The following AP1G1 variants were observed in gnomAD, a reference collection of about 807,000 sequenced individuals.
AP1G1 encodes adaptor related protein complex 1 subunit gamma 1.
A neutral mutation model predicts 108.3 loss-of-function variants in AP1G1; 7 were observed. The observed-to-expected ratio is 0.06, with a 90% CI of 0.04 to 0.12. AP1G1 has a LOEUF of 0.12. Among genes scored for constraint, AP1G1 ranks in the 10% least tolerant of loss-of-function variants. The pLI is 1.00. For synonymous variants in AP1G1, 379 were observed against 353.5 expected (o/e 1.07, Z -0.81); for missense variants, 756 against 1,010.7 (o/e 0.75, Z 3.42).
At chr16:71,776,727 T>C (rs969511105) in intron 2 of AP1G1, among the ~76,000 whole-genome samples, 1 of 152,196 alleles carries the variant, frequency 6.6e-6, no homozygotes, top group Non-Finnish European at 1.5e-5. Context: ...GACATACTCT[T>C]AGGCATTAAT....
At chr16:71,771,278 A>G (rs1459888961) in intron 4 of AP1G1, 26 bp from the exon 5 acceptor site, 3 of 1,405,030 alleles carry the variant, frequency 2.1e-6, no homozygotes, top group Non-Finnish European at 2.9e-6. Flanking sequence ...TAAAAGAACA[A>G]AAGGTTTATT....
At chr16:71,761,299 G>A (rs1172179627) in intron 10 of AP1G1, among the ~76,000 whole-genome samples, 2 of 152,128 alleles carry the variant, frequency 1.3e-5, no homozygotes, top group Admixed American at 1.3e-4. Context: ...AAATTTTGCT[G>A]ACTCCTGATT....
At chr16:71,761,335 A>T (rs910603917) in intron 10 of AP1G1, among the ~76,000 whole-genome samples, 177 bp downstream of exon 10, 4 of 152,232 alleles carry the variant, frequency 2.6e-5, no homozygotes, top group African/African-American at 9.6e-5. Context: ...AATATATGCC[A>T]TGAGATAAAT....
At chr16:71,805,021 T>C (rs868063766) in intron 1 of AP1G1, among the ~76,000 whole-genome samples, 2 of 149,910 alleles carry the variant, frequency 1.3e-5, no homozygotes, top group South Asian at 2.1e-4. Context: ...AATCAATCAA[T>C]CAATAAAAAT....
At chr16:71,781,832 C>T (rs1047592790) in intron 2 of AP1G1, among the ~76,000 whole-genome samples, 1 of 152,284 alleles carries the variant, frequency 6.6e-6, no homozygotes, top group Admixed American at 6.5e-5. Flanking sequence ...GAAAATTTAT[C>T]TAGGTTATAT....
chr16:71,737,164 G>A (rs1021632854), intron 21 of AP1G1, among the ~76,000 whole-genome samples: 1 of 152,188 alleles, frequency 6.6e-6, no homozygotes, highest in African/African-American at 2.4e-5. Flanking sequence ...TGCAAATGAA[G>A]ACACTGAGGC....
chr16:71,784,133 T>C (rs1413804009), intron 2 of AP1G1, among the ~76,000 whole-genome samples: 2 of 152,210 alleles, frequency 1.3e-5, no homozygotes, highest in Non-Finnish European at 2.9e-5. Context: ...TCAAAAAACA[T>C]TGCCGTCCTT....
At chr16:71,768,522 G>T (rs1050879447) in intron 6 of AP1G1, among the ~76,000 whole-genome samples, 1 of 81,552 alleles carries the variant, frequency 1.2e-5, no homozygotes, top group African/African-American at 4.5e-5. Flanking sequence ...AAGAGAGAAG[G>T]GAGTACTTAA....
rs148726783 is a variant in AP1G1 at position 71,771,015 on chromosome 16, C to G, written c.565+141G>C. 6.1e-3 allele frequency: 2,961 copies of G among 486,414 alleles called. 14 individuals carry two copies. Among genetic ancestry groups the G allele is most frequent in the Admixed American group, 8.9e-3 (229 of 25,848 alleles). The allele number at this position is 486,414 out of a possible 1,614,324, so 30.1% of individuals were successfully genotyped here. On this transcript the variant is annotated intron_variant, in intron 5 of 22. Transcript: ENST00000299980. ...ATGTGAGTGGAAAGACTTGTCAGAC[C>G]AGACCTTCCTGGAAAAGTGTCTAAG... is the stretch of plus-strand genomic sequence containing the variant.
chr16:71,794,069 A>G (rs2032497031), intron 1 of AP1G1, among the ~76,000 whole-genome samples: 1 of 152,220 alleles, frequency 6.6e-6, no homozygotes, highest in African/African-American at 2.4e-5. Flanking sequence ...TGGTTAAAAT[A>G]AGATTAACAT....
rs2045454297 is a variant in AP1G1, at chr16:71,729,069, T to TAC, written c.*3987_*3988dup. 6.6e-6 allele frequency: 1 copy of TAC among 152,612 alleles called. No homozygotes were observed. Among genetic ancestry groups the TAC allele is most frequent in the Admixed American group, 6.5e-5 (1 of 15,286 alleles). 9.5% of individuals were successfully genotyped at this position (152,612 alleles called of 1,614,324 possible). A position where few individuals can be genotyped will look rare whatever the true frequency, so the allele number is the denominator to read the frequency against. On this transcript the variant is annotated 3_prime_UTR_variant, in exon 23 of 23. Coordinates refer to ENST00000299980, the MANE Select transcript of AP1G1 (RefSeq NM_001128.6). ...ATAATTTGTTTCAACCAAAAGACAGTACACACAGCAGAATTCTAATGCATC... is the reference window on the plus strand; with the variant it reads ...ATAATTTGTTTCAACCAAAAGACAGTACACACACAGCAGAATTCTAATGCATC...
chr16:71,764,848 T>A (rs1472871058), intron 7 of AP1G1, 122 bp from the exon 8 acceptor site: 1 of 626,468 alleles, frequency 1.6e-6, no homozygotes, highest in Admixed American at 3.4e-5. Flanking sequence ...TTTATTCATA[T>A]CAGAAATAGT....
chr16:71,780,113 CT>C (rs1460674803), intron 2 of AP1G1, among the ~76,000 whole-genome samples: 1 of 151,226 alleles, frequency 6.6e-6, no homozygotes, highest in African/African-American at 2.4e-5. Flanking sequence ...CCTGCCTCAG[CT>C]TCCCAAGTAG....
At chr16:71,771,924 T>A (rs913274994) in intron 4 of AP1G1, among the ~76,000 whole-genome samples, 3 of 152,122 alleles carry the variant, frequency 2.0e-5, no homozygotes, top group African/African-American at 7.2e-5. Flanking sequence ...AAATACTTAG[T>A]CTCTACTAAA....
Position 71,739,833 on chromosome 16 carries a change from G to A in AP1G1, c.2000-492C>T, listed in dbSNP as rs1210293872. On this transcript the variant is annotated intron_variant, in intron 19 of 22. Coordinates refer to ENST00000299980, the MANE Select transcript of AP1G1 (RefSeq NM_001128.6). ...GTAATGAATGGATAAGTATCCAAAC[G>A]ATAACTGTCTTCTATAAAACCAATA... Among the ~76,000 whole-genome samples, 4 of 151,014 alleles carry A rather than the reference G, an allele frequency of 2.6e-5. No individual in the cohort carries two copies. In the East Asian group the frequency reaches 5.8e-4, roughly 22 times the overall value.
chr16:71,746,585 C>T lies in AP1G1; in HGVS notation c.1730+3G>A. On this transcript the variant is annotated splice_donor_region_variant and intron_variant, in intron 17 of 22. Transcript: ENST00000299980. Reference sequence around the variant, plus strand: ...CACGCATTGCTTAGTTTCTTTCGCTCACCTCATGTGGTCATATTTCTTGAA... The same window carrying T: ...CACGCATTGCTTAGTTTCTTTCGCTTACCTCATGTGGTCATATTTCTTGAA... 1 of 1,584,156 alleles carries T rather than the reference C, an allele frequency of 6.3e-7. No individual in the cohort carries two copies. The highest frequency in any genetic ancestry group is 8.6e-7 in the Non-Finnish European group (1 of 1,158,880).
chr16:71,777,679 G>A (rs889031468), intron 2 of AP1G1: 5 of 455,604 alleles, frequency 1.1e-5, no homozygotes, highest in East Asian at 7.6e-5. Flanking sequence ...TCTTCAGCTC[G>A]GGCCCTTCAT....
chr16:71,764,252 G>A (rs2031224486), intron 9 of AP1G1, 98 bp downstream of exon 9: 2 of 641,872 alleles, frequency 3.1e-6, no homozygotes, highest in Non-Finnish European at 5.2e-6. Context: ...TCTTAAAGTC[G>A]AGTTCCAAAT....
intron 17 of AP1G1, 32 bp downstream of exon 17, chr16:71,746,556 G>C (rs1260004393): frequency 1.5e-6 from 2 of 1,327,028 alleles, no homozygotes; most frequent in East Asian, 4.7e-5. Flanking sequence ...GATGCTAAGA[G>C]ATACACGCAT....
Sources: allele counts gnomAD v4.1 joint callset (sites outside exome capture counted in the v4.1 genomes callset), GRCh38; gene constraint gnomAD v4.1.1; transcripts MANE v1.5; gene names NCBI Gene and HGNC (gene_info 2026-07-23, HGNC 2026-07-21).